Variants in MAGI1 observed in about 807,000 individuals in gnomAD.
MAGI1 encodes the protein membrane-associated guanylate kinase, WW and PDZ domain-containing protein 1.
Under a neutral mutation model 139.9 loss-of-function variants are expected in MAGI1, and 58 were observed. The ratio of observed to expected loss-of-function variants is 0.41; its 90% CI spans 0.34 to 0.52. The LOEUF (loss-of-function observed/expected upper bound fraction) is 0.52, where lower values mean the gene tolerates loss of function less well. Ranked by LOEUF, MAGI1 falls within the 20% of genes least tolerant of loss-of-function variation. MAGI1 has a pLI of 0.12. For missense variants in MAGI1, 1,874 were observed against 1,901.6 expected (o/e 0.99, Z 0.27); for synonymous variants, 812 against 737.9 (o/e 1.10, Z -1.63).
intron 16 of MAGI1, chr3:65,380,626 C>T (rs1337096412): frequency 6.6e-6 from 1 of 152,162 alleles, no homozygotes; most frequent in African/African-American, 2.4e-5. Flanking sequence ...GACTAGTTCA[C>T]TTGCATAATG....
intron 2 of MAGI1, among the ~76,000 whole-genome samples, chr3:65,517,629 G>A (rs2077967268): frequency 6.6e-6 from 1 of 152,148 alleles, no homozygotes. Context: ...CTTCGCCCTG[G>A]CAGCATAAGT....
At chr3:65,653,750 G>T (rs1220801948) in intron 1 of MAGI1, among the ~76,000 whole-genome samples, 1 of 152,088 alleles carries the variant, frequency 6.6e-6, no homozygotes, top group African/African-American at 2.4e-5. Context: ...AAATCTAGCA[G>T]GGTTGTGAGT....
intron 2 of MAGI1, among the ~76,000 whole-genome samples, chr3:65,507,658 A>C (rs1260579719): frequency 1.3e-5 from 2 of 152,216 alleles, no homozygotes; most frequent in African/African-American, 4.8e-5. Flanking sequence ...ATCCAAAAAT[A>C]TATGGACTTG....
At position 65,493,512 on chromosome 3, in the gene MAGI1, C is replaced by A. The variant is rs139843075; in HGVS notation, c.550G>T (p.Gly184Ter). ...GTLLEVGTYE[G>*]NYYGTPKPPS... ...TTATGCTGTCGTACAAGTAACTCACCTTCATAGGTGCCGACTTCCAGAAGA... is the reference window on the plus strand; with the variant it reads ...TTATGCTGTCGTACAAGTAACTCACATTCATAGGTGCCGACTTCCAGAAGA... Residue 184 changes from glycine (G) to a stop codon, truncating the protein, a stop_gained and splice_region_variant, in exon 3 of 23, where the codon GGA (glycine) becomes TGA (stop). Coordinates refer to ENST00000402939, the MANE Select transcript of MAGI1 (RefSeq NM_001033057.2). LOFTEE classifies it high-confidence loss of function. 6.2e-7 allele frequency: 1 copy of A among 1,614,120 alleles called. No individual in the cohort carries two copies.
chr3:65,723,972 T>A (rs1253322839), intron 1 of MAGI1, among the ~76,000 whole-genome samples: 2 of 152,180 alleles, frequency 1.3e-5, no homozygotes, highest in African/African-American at 4.8e-5. Flanking sequence ...CACACACATT[T>A]CAAAAATCCC....
At chr3:65,655,071 T>C (rs963176900) in intron 1 of MAGI1, among the ~76,000 whole-genome samples, 2 of 152,180 alleles carry the variant, frequency 1.3e-5, no homozygotes, top group African/African-American at 2.4e-5. Flanking sequence ...GTTGCAAACA[T>C]TATAGGAGTC....
chr3:65,897,870 T>G (rs1435840596), intron 1 of MAGI1, among the ~76,000 whole-genome samples: 1 of 123,488 alleles, frequency 8.1e-6, no homozygotes, highest in Non-Finnish European at 1.7e-5. Context: ...CCAAAAAAAA[T>G]AAAAAAAGAA....
chr3:65,360,855 A>G, intron 22 of MAGI1: 1 of 1,158,202 alleles, frequency 8.6e-7, no homozygotes, highest in Non-Finnish European at 1.1e-6. Context: ...TAAAAGGAGT[A>G]TATAGTCATT....
chr3:65,447,746 T>A (rs184301513), intron 7 of MAGI1, among the ~76,000 whole-genome samples: 13 of 152,328 alleles, frequency 8.5e-5, no homozygotes, highest in African/African-American at 3.1e-4. Flanking sequence ...ATCCTCACTT[T>A]ACAAGACTAC....
chr3:65,404,453 G>T (rs940966259), intron 12 of MAGI1, among the ~76,000 whole-genome samples: 12 of 152,100 alleles, frequency 7.9e-5, no homozygotes, highest in African/African-American at 2.9e-4. Context: ...TTGCCGGCTA[G>T]TTGCTGAAAA....
intron 2 of MAGI1, among the ~76,000 whole-genome samples, chr3:65,612,088 A>G (rs2083154707): frequency 6.6e-6 from 1 of 152,116 alleles, no homozygotes; most frequent in Admixed American, 6.6e-5. Flanking sequence ...CAAAATCTCA[A>G]TTCTAGACTA....
intron 1 of MAGI1, among the ~76,000 whole-genome samples, chr3:65,984,470 CCTT>C (rs1019799709): frequency 1.5e-4 from 22 of 151,526 alleles, no homozygotes; most frequent in African/African-American, 5.1e-4. Context: ...TTTCCCCTCT[CCTT>C]CTTTTAAAAC....
intron 14 of MAGI1, 91 bp from the exon 15 acceptor site, chr3:65,383,714 T>C (rs771441897): frequency 2.2e-5 from 18 of 815,202 alleles, no homozygotes; most frequent in Non-Finnish European, 3.4e-5. Flanking sequence ...ACAAGAATGG[T>C]GGTGCTTGAT....
chr3:65,576,269 C>T (rs1474093990), intron 2 of MAGI1, among the ~76,000 whole-genome samples: 1 of 152,146 alleles, frequency 6.6e-6, no homozygotes, highest in Non-Finnish European at 1.5e-5. Context: ...GATAATAATT[C>T]TAACAGTGGC....
intron 1 of MAGI1, among the ~76,000 whole-genome samples, chr3:65,805,253 C>G (rs1269735066): frequency 6.6e-6 from 1 of 152,092 alleles, no homozygotes; most frequent in Non-Finnish European, 1.5e-5. Context: ...AAAAAACAAA[C>G]AACCCCATTA....
At chr3:65,856,592 A>G (rs978942235) in intron 1 of MAGI1, among the ~76,000 whole-genome samples, 3 of 152,178 alleles carry the variant, frequency 2.0e-5, no homozygotes, top group Non-Finnish European at 2.9e-5. Context: ...ATAGAAAACA[A>G]TGATTCTAAG....
At chr3:65,442,081 C>CTT (rs5849668) in intron 8 of MAGI1, among the ~76,000 whole-genome samples, 3,416 of 144,548 alleles carry the variant, frequency 0.024, 149 homozygotes, top group African/African-American at 0.079. Context: ...TAATACAAAG[C>CTT]TTTTTTTTTT....
chr3:65,540,961 C>G (rs1398961181), intron 2 of MAGI1, among the ~76,000 whole-genome samples: 2 of 152,170 alleles, frequency 1.3e-5, no homozygotes, highest in South Asian at 4.1e-4. Flanking sequence ...GTTACTAAAT[C>G]TGGATGGTGT....
intron 1 of MAGI1, among the ~76,000 whole-genome samples, chr3:65,958,923 G>T: frequency 6.6e-6 from 1 of 151,804 alleles, no homozygotes; most frequent in East Asian, 1.9e-4. Context: ...GAAGGCAGAG[G>T]ATACAGTGAG....
Sources: allele counts gnomAD v4.1 joint callset (sites outside exome capture counted in the v4.1 genomes callset), GRCh38; gene constraint gnomAD v4.1.1; transcripts MANE v1.5; gene names NCBI Gene and HGNC (gene_info 2026-07-23, HGNC 2026-07-21).